Variants in PALS2 observed in about 807,000 individuals in gnomAD.
PALS2 encodes protein associated with LIN7 2, MAGUK p55 family member.
In PALS2, 27 loss-of-function variants were observed where a neutral mutation model predicts 61.6. The ratio of observed to expected loss-of-function variants is 0.44; its 90% confidence interval spans 0.32 to 0.60. PALS2 has a LOEUF of 0.60. Ranked by LOEUF, PALS2 falls within the 20% of genes least tolerant of loss-of-function variation. PALS2 has a pLI of 0.05. For synonymous variants in PALS2, 236 were observed against 218.6 expected (o/e 1.08, Z -0.70); for missense variants, 554 against 639.4 (o/e 0.87, Z 1.44).
intron 2 of PALS2, among the ~76,000 whole-genome samples, chr7:24,637,800 GT>G (rs1785312596): frequency 6.6e-6 from 1 of 152,082 alleles, no homozygotes; most frequent in Non-Finnish European, 1.5e-5. Flanking sequence ...AGGTGCAGTG[GT>G]GAATAAAATT....
chr7:24,604,219 G>GAAAAAAA (rs58169190), intron 1 of PALS2, among the ~76,000 whole-genome samples: 4 of 86,146 alleles, frequency 4.6e-5, no homozygotes, highest in East Asian at 3.4e-4. Flanking sequence ...TTCAAGAAAA[G>GAAAAAAA]AAAAAAAAAA....
chr7:24,621,987 A>G (rs755205921), intron 1 of PALS2, among the ~76,000 whole-genome samples: 32 of 152,174 alleles, frequency 2.1e-4, no homozygotes, highest in Middle Eastern at 3.4e-3. Context: ...TCAATTGACC[A>G]TAAATGTATG....
chr7:24,629,422 G>A (rs987909786), intron 2 of PALS2, among the ~76,000 whole-genome samples: 1 of 152,162 alleles, frequency 6.6e-6, no homozygotes, highest in Non-Finnish European at 1.5e-5. Context: ...CAGGGCATAG[G>A]CATGAGCACA....
rs957978534 is a variant in PALS2 at position 24,692,666 on chromosome 7, T to C, written c.*5052T>C. On this transcript the variant is annotated 3_prime_UTR_variant, in exon 12 of 12. Coordinates refer to ENST00000222644, the MANE Select transcript of PALS2 (RefSeq NM_001303037.2). ...TCAGAAAGTCCCTTTTATCTTATAATCCCATACTAAATCCAAACCCTTAGC... is the reference window on the plus strand; with the variant it reads ...TCAGAAAGTCCCTTTTATCTTATAACCCCATACTAAATCCAAACCCTTAGC... The C allele has an allele frequency of 6.6e-6, 1 of 152,160 alleles. No individual in the cohort carries two copies. Among genetic ancestry groups the C allele is most frequent in the African/African-American group, 2.4e-5 (1 of 41,440 alleles). The allele number at this position is 152,160 out of a possible 1,614,324, so 9.4% of individuals were successfully genotyped here.
chr7:24,669,268 A>G (rs1218433906), intron 9 of PALS2, among the ~76,000 whole-genome samples: 1 of 152,206 alleles, frequency 6.6e-6, no homozygotes, highest in Non-Finnish European at 1.5e-5. Flanking sequence ...CTTTGCATTC[A>G]TTTCTCTATT....
intron 9 of PALS2, 38 bp downstream of exon 9, chr7:24,668,698 G>T: frequency 1.2e-6 from 2 of 1,606,796 alleles, no homozygotes; most frequent in Non-Finnish European, 1.7e-6. Flanking sequence ...GCAATTGGCA[G>T]GAAAGAGTAT....
intron 7 of PALS2, 92 bp from the exon 8 acceptor site, chr7:24,665,929 A>C (rs1786994457): frequency 1.6e-6 from 2 of 1,236,620 alleles, no homozygotes; most frequent in Non-Finnish European, 2.3e-6. Flanking sequence ...CACATTGGGG[A>C]GATAATTCTC....
rs562172448 is a variant in PALS2, at chr7:24,670,446, C to T, written c.1114+1786C>T. Among the ~76,000 whole-genome samples the T allele has an allele frequency of 5.4e-4, 82 of 152,090 alleles. 1 individual carries two copies. In the South Asian group the frequency reaches 0.016, roughly 29 times the overall value. On this transcript the variant is annotated intron_variant, in intron 9 of 11. Coordinates refer to ENST00000222644, the MANE Select transcript of PALS2 (RefSeq NM_001303037.2). ...CAGCTGTTAACACTGGAGTAGTTCC[C>T]TTTGTTGTTATCCTGGGTTGAAGCT... is the stretch of plus-strand genomic sequence containing the variant.
chr7:24,618,382 C>T lies in PALS2; in HGVS notation c.-2-5284C>T, dbSNP rs1353769048. On this transcript the variant is annotated intron_variant, in intron 1 of 11. Coordinates refer to ENST00000222644, the MANE Select transcript of PALS2 (RefSeq NM_001303037.2). This position sits in a 1 kb window ranked among gnomAD's most constrained non-coding sequence, Gnocchi z 5.1. ...TGCAGCTGGGGTTGTGGCATTCAGA[C>T]ACCTGTGTGGACTTAGTGGAATGAA... Among the ~76,000 whole-genome samples the T allele has an allele frequency of 6.6e-6, 1 of 152,194 alleles. No individual in the cohort carries two copies. Among genetic ancestry groups the T allele is most frequent in the Non-Finnish European group, 1.5e-5 (1 of 68,028 alleles).
In PALS2 at chr7:24,687,802, ATATAATTTATC is replaced by A; in HGVS notation, c.*190_*200del. 4.5e-6 allele frequency: 2 copies of A among 444,340 alleles called. No homozygotes were observed. The highest frequency in any genetic ancestry group is 7.5e-6 in the Non-Finnish European group (2 of 265,480). 27.5% of individuals were successfully genotyped at this position (444,340 alleles called of 1,614,324 possible). ...AAATGTGGTTGGAAGGTGTACTAATATATAATTTATCTTAATTTTTCTAACTTTGTATGGAT... is the reference window on the plus strand; with the variant it reads ...AAATGTGGTTGGAAGGTGTACTAATATTAATTTTTCTAACTTTGTATGGAT... On this transcript the variant is annotated 3_prime_UTR_variant, in exon 12 of 12. Coordinates refer to ENST00000222644, the MANE Select transcript of PALS2 (RefSeq NM_001303037.2). This position sits in a 1 kb window ranked among gnomAD's most constrained non-coding sequence, Gnocchi z 4.5.
chr7:24,622,246 G>C (rs1452217914), intron 1 of PALS2, among the ~76,000 whole-genome samples: 1 of 152,020 alleles, frequency 6.6e-6, no homozygotes, highest in Non-Finnish European at 1.5e-5. Flanking sequence ...TATTAAACCT[G>C]TAGGTTAATT....
intron 1 of PALS2, among the ~76,000 whole-genome samples, chr7:24,583,901 A>C (rs1782950650): frequency 6.6e-6 from 1 of 151,570 alleles, no homozygotes; most frequent in South Asian, 2.1e-4. Flanking sequence ...TATGAGTGAG[A>C]ATATGCGGTG....
intron 5 of PALS2, among the ~76,000 whole-genome samples, chr7:24,663,206 A>G (rs1786830949): frequency 6.6e-6 from 1 of 152,222 alleles, no homozygotes; most frequent in African/African-American, 2.4e-5. Context: ...TGAAATATAT[A>G]CCTTAAATCA....
chr7:24,586,424 T>C lies in PALS2; in HGVS notation c.-3+12831T>C, dbSNP rs1783067116. 2.6e-5 allele frequency among the ~76,000 whole-genome samples: 4 copies of C among 152,146 alleles called. No individual in the cohort carries two copies. In the South Asian group the frequency reaches 8.3e-4, roughly 32 times the overall value. ...ATTTTGATTCTGCGTAAGCAAGAAA[T>C]AGGTCATAAGCTGGGTAAGTATGGA... On this transcript the variant is annotated intron_variant, in intron 1 of 11. Transcript: ENST00000222644.
intron 6 of PALS2, among the ~76,000 whole-genome samples, chr7:24,664,257 A>G (rs1242060738): frequency 6.6e-6 from 1 of 152,172 alleles, no homozygotes; most frequent in Non-Finnish European, 1.5e-5. Context: ...GTGTATATGG[A>G]AAGAGATGTG....
intron 1 of PALS2, among the ~76,000 whole-genome samples, chr7:24,600,799 A>G (rs1299686521): frequency 1.3e-5 from 2 of 152,166 alleles, no homozygotes; most frequent in Non-Finnish European, 2.9e-5. Context: ...TCTAAGGATG[A>G]CTTTGTCTTC....
intron 11 of PALS2, among the ~76,000 whole-genome samples, chr7:24,686,945 G>A (rs1447051662): frequency 6.6e-6 from 1 of 152,160 alleles, no homozygotes; most frequent in Admixed American, 6.5e-5. Flanking sequence ...TGGAGGATGG[G>A]CAGCATGTAA....
chr7:24,649,788 C>G (rs2128078023), intron 4 of PALS2, 24 bp downstream of exon 4: 1 of 1,518,306 alleles, frequency 6.6e-7, no homozygotes, highest in Non-Finnish European at 8.8e-7. Context: ...AATCAGTACC[C>G]TATTAAATCT....
chr7:24,680,776 A>G (rs927685193), intron 11 of PALS2, among the ~76,000 whole-genome samples: 4 of 152,090 alleles, frequency 2.6e-5, no homozygotes, highest in Admixed American at 6.6e-5. Context: ...TTGTATTTTT[A>G]GTAGAGACGG....
Sources: gnomAD v4.1 joint callset for allele counts (sites outside exome capture counted in the v4.1 genomes callset) on GRCh38, gnomAD v4.1.1 for gene constraint, Gnocchi (gnomAD v3.1) non-coding constraint, MANE v1.5 for transcripts, NCBI Gene and HGNC (gene_info 2026-07-23, HGNC 2026-07-21) for gene names.